Variants in TASP1 observed in about 807,000 individuals in gnomAD.
TASP1 encodes taspase 1, also known as threonine aspartase 1.
In TASP1, 16 loss-of-function variants were observed where a neutral mutation model predicts 56.6. The observed-to-expected ratio is 0.28, with a 90% CI of 0.19 to 0.43. The LOEUF (loss-of-function observed/expected upper bound fraction) is 0.43, where lower values mean the gene tolerates loss of function less well. Among genes scored for constraint, TASP1 ranks in the 20% least tolerant of loss-of-function variants. TASP1 has a pLI of 1.00. For synonymous variants in TASP1, 179 were observed against 184.2 expected (o/e 0.97, Z 0.23); for missense variants, 393 against 511.6 (o/e 0.77, Z 2.24).
chr20:13,160,076 G>A, the TASP1 span: 2 of 1,613,758 alleles, frequency 1.2e-6, no homozygotes, highest in Non-Finnish European at 1.7e-6. Flanking sequence ...TCCCCTCGCA[G>A]AAGCTCGGGC....
At chr20:13,419,290 G>C (rs974758670) in intron 12 of TASP1, among the ~76,000 whole-genome samples, 1 of 152,100 alleles carries the variant, frequency 6.6e-6, no homozygotes, top group Non-Finnish European at 1.5e-5. Flanking sequence ...GTGCATGCTC[G>C]TGTGCATGTA....
chr20:13,416,950 G>T (rs6109873), intron 13 of TASP1, among the ~76,000 whole-genome samples: 9,652 of 152,202 alleles, frequency 0.063, 453 homozygotes, highest in African/African-American at 0.13. Flanking sequence ...GAAGACACCA[G>T]GTCAGGGCAT....
At chr20:13,137,955 T>G in the TASP1 span, among the ~76,000 whole-genome samples, 1 of 152,090 alleles carries the variant, frequency 6.6e-6, no homozygotes, top group African/African-American at 2.4e-5. Flanking sequence ...AGCCAAAACT[T>G]GAGACAAAGG....
intron 10 of TASP1, among the ~76,000 whole-genome samples, chr20:13,491,275 T>C (rs930967643): frequency 5.9e-5 from 9 of 152,204 alleles, no homozygotes; most frequent in African/African-American, 1.9e-4. Context: ...GCTTGACTTT[T>C]CTTATTTATT....
At chr20:13,307,787 T>C in the TASP1 span, among the ~76,000 whole-genome samples, 2 of 152,230 alleles carry the variant, frequency 1.3e-5, no homozygotes, top group Admixed American at 1.3e-4. Context: ...GCTTATCACA[T>C]TTCCAATGTG....
chr20:13,271,181 A>G, the TASP1 span, among the ~76,000 whole-genome samples: 12 of 152,248 alleles, frequency 7.9e-5, no homozygotes, highest in African/African-American at 2.9e-4. Context: ...AGCACTCAGG[A>G]AAGCTGTTTC....
chr20:13,576,330 AAAGAAAGAAAGG>A (rs1464547434), intron 6 of TASP1, among the ~76,000 whole-genome samples: 17 of 137,060 alleles, frequency 1.2e-4, no homozygotes, highest in African/African-American at 3.1e-4. Context: ...AAGAAAAGAG[AAAGAAAGAAAGG>A]AAGAAAGAAA....
At chr20:13,284,810 C>A in the TASP1 span, among the ~76,000 whole-genome samples, 3 of 151,922 alleles carry the variant, frequency 2.0e-5, no homozygotes, top group Non-Finnish European at 2.9e-5. Context: ...CTTTGGGGGA[C>A]CCATATGAAA....
At chr20:13,105,346 A>C in the TASP1 span, among the ~76,000 whole-genome samples, 1 of 152,258 alleles carries the variant, frequency 6.6e-6, no homozygotes, top group Middle Eastern at 3.4e-3. Context: ...GAACTCCACC[A>C]AAAGCCACTC....
chr20:13,569,095 T>C (rs961534778), intron 7 of TASP1, among the ~76,000 whole-genome samples: 4 of 152,154 alleles, frequency 2.6e-5, no homozygotes, highest in Non-Finnish European at 5.9e-5. Context: ...TTTAACTCTA[T>C]GTAGTCACAC....
At chr20:13,576,254 T>C (rs6105133) in intron 6 of TASP1, among the ~76,000 whole-genome samples, 1 of 123,306 alleles carries the variant, frequency 8.1e-6, no homozygotes, top group African/African-American at 3.2e-5. Context: ...GAAGGGAAGA[T>C]AAGAGAAGAG....
At chr20:13,523,573 C>T (rs2044854611) in intron 10 of TASP1, among the ~76,000 whole-genome samples, 1 of 152,064 alleles carries the variant, frequency 6.6e-6, no homozygotes, top group African/African-American at 2.4e-5. Context: ...ATTCTCCTAG[C>T]CCTTGAGGAA....
At chr20:13,216,598 A>T in the TASP1 span, among the ~76,000 whole-genome samples, 1 of 152,228 alleles carries the variant, frequency 6.6e-6, no homozygotes, top group Non-Finnish European at 1.5e-5. Flanking sequence ...CTAAAGAAAA[A>T]GTTTGCCATC....
At chr20:13,278,156 G>T in the TASP1 span, among the ~76,000 whole-genome samples, 1 of 152,192 alleles carries the variant, frequency 6.6e-6, no homozygotes, top group Non-Finnish European at 1.5e-5. Flanking sequence ...GATGGCCAAA[G>T]GAACCCAATG....
chr20:13,358,319 G>A, the TASP1 span, among the ~76,000 whole-genome samples: 2 of 152,162 alleles, frequency 1.3e-5, no homozygotes, highest in Non-Finnish European at 2.9e-5. Flanking sequence ...CTCTTCACAC[G>A]GACGCGCATG....
At chr20:13,377,083 T>C in the TASP1 span, among the ~76,000 whole-genome samples, 1 of 152,220 alleles carries the variant, frequency 6.6e-6, no homozygotes, top group Non-Finnish European at 1.5e-5. Flanking sequence ...TCTTGTCTGA[T>C]TGCCCTGGCC....
the TASP1 span, among the ~76,000 whole-genome samples, chr20:13,360,197 C>G: frequency 6.6e-6 from 1 of 151,614 alleles, no homozygotes. Flanking sequence ...TTCTAGATCT[C>G]AAACATGCTT....
chr20:13,270,813 G>A, the TASP1 span: 2 of 1,451,840 alleles, frequency 1.4e-6, no homozygotes, highest in East Asian at 2.4e-5. Flanking sequence ...TGATTCCAGT[G>A]GAAACTGCTG....
the TASP1 span, among the ~76,000 whole-genome samples, chr20:13,266,180 C>T: frequency 6.6e-6 from 1 of 152,144 alleles, no homozygotes; most frequent in East Asian, 1.9e-4. Context: ...GGTCCACAGC[C>T]ACCTGAAACA....
Sources: allele counts gnomAD v4.1 joint callset (sites outside exome capture counted in the v4.1 genomes callset), GRCh38; gene constraint gnomAD v4.1.1; transcripts MANE v1.5; gene names NCBI Gene and HGNC (gene_info 2026-07-23, HGNC 2026-07-21).